RBFOX1: variants seen among roughly 807,000 people sequenced by gnomAD.
RBFOX1 encodes RNA binding protein fox-1 homolog 1.
Under a neutral mutation model 57.7 loss-of-function variants are expected in RBFOX1, and 8 were observed. The observed-to-expected ratio is 0.14, with a 90% CI of 0.08 to 0.25. RBFOX1 has a LOEUF of 0.25. Among genes scored for constraint, RBFOX1 ranks in the 10% least tolerant of loss-of-function variants. RBFOX1 has a pLI of 1.00. For synonymous variants in RBFOX1, 326 were observed against 222.4 expected (o/e 1.47, Z -4.15); for missense variants, 611 against 548.5 (o/e 1.11, Z -1.14).
In RBFOX1 at chr16:6,961,165, A is replaced by ACACACACACACACACAC. The variant is rs1461621694; in HGVS notation, c.-15-90892_-15-90891insCACACACACACACACAC. Among the ~76,000 whole-genome samples, 37 of 150,662 alleles carry ACACACACACACACACAC rather than the reference A, an allele frequency of 2.5e-4. 2 individuals carry two copies. The highest frequency in any genetic ancestry group is 8.4e-4 in the South Asian group (4 of 4,770). On this transcript the variant is annotated intron_variant, in intron 3 of 15. Transcript: ENST00000550418. ...CACACCCACACAGACACACACACGC[A>ACACACACACACACACAC]AAAGAAAGAAAGAAAAAAGAAAAGA...
At chr16:6,951,922 G>T (rs1045724344) in intron 3 of RBFOX1, among the ~76,000 whole-genome samples, 1 of 152,146 alleles carries the variant, frequency 6.6e-6, no homozygotes, top group Non-Finnish European at 1.5e-5. Context: ...ATTTAGTAGA[G>T]ATGGGGTTTC....
intron 1 of RBFOX1, among the ~76,000 whole-genome samples, chr16:6,315,135 C>G (rs185877449): frequency 1.3e-5 from 2 of 152,356 alleles, no homozygotes; most frequent in East Asian, 3.9e-4. Context: ...TAATATTCAC[C>G]TGAATTCCTT....
chr16:7,682,104 C>T (rs1200244695), intron 14 of RBFOX1, among the ~76,000 whole-genome samples: 3 of 152,144 alleles, frequency 2.0e-5, no homozygotes, highest in Non-Finnish European at 4.4e-5. Context: ...ATCTATTCTT[C>T]CTTCTCACAT....
At chr16:7,336,591 C>G (rs1157795784) in intron 4 of RBFOX1, among the ~76,000 whole-genome samples, 3 of 152,184 alleles carry the variant, frequency 2.0e-5, no homozygotes, top group Non-Finnish European at 4.4e-5. Flanking sequence ...AGTGGAAGAA[C>G]TAGTAGGTAA....
At chr16:6,549,795 A>G (rs1261399512) in intron 2 of RBFOX1, among the ~76,000 whole-genome samples, 1 of 152,054 alleles carries the variant, frequency 6.6e-6, no homozygotes, top group Non-Finnish European at 1.5e-5. Context: ...GAATGGGGCA[A>G]GGGTGGTTTT....
intron 3 of RBFOX1, among the ~76,000 whole-genome samples, chr16:7,004,468 T>G (rs1596649650): frequency 6.6e-6 from 1 of 152,292 alleles, no homozygotes; most frequent in African/African-American, 2.4e-5. Context: ...TTTGAAGGTT[T>G]GGAGCCCAGC....
At chr16:6,596,909 A>C (rs192805235) in intron 2 of RBFOX1, among the ~76,000 whole-genome samples, 1 of 152,208 alleles carries the variant, frequency 6.6e-6, no homozygotes, top group East Asian at 1.9e-4. Context: ...CCCTTGATAC[A>C]TTCATACACA....
rs568400477 is a variant in RBFOX1 at position 7,041,385 on chromosome 16, C to T, written c.-15-10672C>T. Among the ~76,000 whole-genome samples the T allele has an allele frequency of 5.9e-5, 9 of 152,220 alleles. No homozygotes were observed. In the South Asian group the frequency reaches 1.7e-3, roughly 28 times the overall value. ...AGGGCAATGCATTTCCTATTTGGCT[C>T]TTAGGAGAAAAAGTTTTTCAATTCC... is the stretch of plus-strand genomic sequence containing the variant. On this transcript the variant is annotated intron_variant, in intron 3 of 15. Transcript: ENST00000550418.
chr16:7,451,308 G>A (rs749516138), intron 4 of RBFOX1, among the ~76,000 whole-genome samples: 6 of 152,168 alleles, frequency 3.9e-5, no homozygotes, highest in South Asian at 2.1e-4. Context: ...TGTCTTGAAC[G>A]GATGGTTCTT....
intron 12 of RBFOX1, among the ~76,000 whole-genome samples, chr16:7,654,269 T>C (rs1014700429): frequency 1.3e-5 from 2 of 152,204 alleles, no homozygotes; most frequent in Admixed American, 6.5e-5. Context: ...ATTGCAAACA[T>C]CTGGTTATTA....
intron 3 of RBFOX1, among the ~76,000 whole-genome samples, chr16:6,786,471 A>G (rs1408611689): frequency 1.3e-5 from 2 of 152,180 alleles, no homozygotes; most frequent in Non-Finnish European, 2.9e-5. Flanking sequence ...CAGAAAAATA[A>G]CAACAAAGAG....
At chr16:5,734,911 A>C (rs1366979363) in intron 3 of RBFOX1, among the ~76,000 whole-genome samples, 1 of 152,172 alleles carries the variant, frequency 6.6e-6, no homozygotes, top group East Asian at 1.9e-4. Flanking sequence ...GATGATTTTA[A>C]ACACTTTCTA....
intron 2 of RBFOX1, among the ~76,000 whole-genome samples, chr16:6,551,342 G>A (rs538746418): frequency 1.4e-4 from 22 of 152,252 alleles, no homozygotes; most frequent in African/African-American, 5.3e-4. Flanking sequence ...ATTACCAGCG[G>A]CATCTCAGAC....
intron 1 of RBFOX1, among the ~76,000 whole-genome samples, chr16:6,263,755 C>T (rs1303127170): frequency 1.3e-5 from 2 of 152,076 alleles, no homozygotes; most frequent in Non-Finnish European, 2.9e-5. Flanking sequence ...ACAAAGCACC[C>T]TGCCATGGTT....
chr16:7,211,988 A>T (rs888727048), intron 4 of RBFOX1, among the ~76,000 whole-genome samples: 1 of 152,060 alleles, frequency 6.6e-6, no homozygotes, highest in African/African-American at 2.4e-5. Flanking sequence ...ACTCCCATCA[A>T]GCCACCCCAA....
At chr16:5,351,353 C>T (rs2151316197) in intron 1 of RBFOX1, among the ~76,000 whole-genome samples, 1 of 152,248 alleles carries the variant, frequency 6.6e-6, no homozygotes, top group Middle Eastern at 3.4e-3. Flanking sequence ...ATTCACTGTA[C>T]CCCCTTTAGA....
chr16:6,500,584 A>C (rs1174210523), intron 2 of RBFOX1, among the ~76,000 whole-genome samples: 1 of 152,114 alleles, frequency 6.6e-6, no homozygotes. Context: ...CCCTCAAGAA[A>C]ATTAATATCC....
At chr16:5,775,018 C>A (rs1395082318) in intron 3 of RBFOX1, among the ~76,000 whole-genome samples, 1 of 152,030 alleles carries the variant, frequency 6.6e-6, no homozygotes, top group Non-Finnish European at 1.5e-5. Flanking sequence ...AATGGCAATC[C>A]CCTTCGCTTT....
At chr16:5,757,814 ATCTG>A (rs1166502815) in intron 3 of RBFOX1, among the ~76,000 whole-genome samples, 6 of 152,194 alleles carry the variant, frequency 3.9e-5, no homozygotes, top group African/African-American at 1.4e-4. Context: ...TCAGCTTGTC[ATCTG>A]TCTGATTTCT....
Sources: gnomAD v4.1 joint callset for allele counts (sites outside exome capture counted in the v4.1 genomes callset) on GRCh38, gnomAD v4.1.1 for gene constraint, MANE v1.5 for transcripts, NCBI Gene and HGNC (gene_info 2026-07-23, HGNC 2026-07-21) for gene names.